Variants in PDZRN4 observed in about 807,000 individuals in gnomAD.
PDZRN4 encodes PDZ domain-containing RING finger protein 4.
Under a neutral mutation model 99.0 loss-of-function variants are expected in PDZRN4, and 70 were observed. The ratio of observed to expected loss-of-function variants is 0.71; its 90% CI spans 0.58 to 0.86. The LOEUF (loss-of-function observed/expected upper bound fraction) is 0.86, where lower values mean the gene tolerates loss of function less well. PDZRN4 is among the 40% of genes least tolerant of loss of function. The pLI is 0.00. For synonymous variants in PDZRN4, 551 were observed against 501.6 expected (o/e 1.10, Z -1.32); for missense variants, 1,474 against 1,331.2 (o/e 1.11, Z -1.67).
chr12:41,386,204 A>G (rs1952169645), intron 3 of PDZRN4, among the ~76,000 whole-genome samples: 1 of 152,198 alleles, frequency 6.6e-6, no homozygotes, highest in Non-Finnish European at 1.5e-5. Context: ...CCAAACCAAC[A>G]TCATACTGAA....
chr12:41,456,627 A>G (rs1488326109), intron 3 of PDZRN4, among the ~76,000 whole-genome samples: 1 of 152,198 alleles, frequency 6.6e-6, no homozygotes, highest in African/African-American at 2.4e-5. Flanking sequence ...ATGAATGAGT[A>G]AATGAATGAA....
intron 3 of PDZRN4, among the ~76,000 whole-genome samples, chr12:41,244,778 G>A (rs1000336544): frequency 2.0e-5 from 3 of 146,928 alleles, no homozygotes; most frequent in East Asian, 2.0e-4. Context: ...TCTGCTTCCC[G>A]GGTTCACGCC....
chr12:41,253,204 T>C (rs543767044), intron 3 of PDZRN4, among the ~76,000 whole-genome samples: 1 of 152,258 alleles, frequency 6.6e-6, no homozygotes, highest in African/African-American at 2.4e-5. Context: ...TTGCTTTGGT[T>C]GCCTGTGCTT....
At chr12:41,277,807 G>T (rs1951359494) in intron 3 of PDZRN4, among the ~76,000 whole-genome samples, 2 of 152,176 alleles carry the variant, frequency 1.3e-5, no homozygotes, top group South Asian at 4.1e-4. Flanking sequence ...CTCTTTGGTA[G>T]ATTAGCAGCT....
At chr12:41,259,638 A>C (rs1951224550) in intron 3 of PDZRN4, among the ~76,000 whole-genome samples, 1 of 152,152 alleles carries the variant, frequency 6.6e-6, no homozygotes, top group Non-Finnish European at 1.5e-5. Context: ...TTCAAGACAC[A>C]AGAGAAACAA....
At chr12:41,375,312 A>G (rs1455747606) in intron 3 of PDZRN4, among the ~76,000 whole-genome samples, 1 of 152,218 alleles carries the variant, frequency 6.6e-6, no homozygotes, top group Non-Finnish European at 1.5e-5. Context: ...GCCAATACAT[A>G]TATTCAACTT....
At chr12:41,549,320 G>C (rs895804389) in intron 5 of PDZRN4, among the ~76,000 whole-genome samples, 1 of 152,118 alleles carries the variant, frequency 6.6e-6, no homozygotes, top group Non-Finnish European at 1.5e-5. Flanking sequence ...CCTGTGAAGG[G>C]AATACTTAAT....
intron 3 of PDZRN4, among the ~76,000 whole-genome samples, chr12:41,305,083 C>T (rs1193022936): frequency 6.6e-6 from 1 of 152,172 alleles, no homozygotes; most frequent in Non-Finnish European, 1.5e-5. Flanking sequence ...AGGTATTGGG[C>T]TCATGACATA....
rs1950882360 is a variant in PDZRN4, at chr12:41,210,648, G to T, written c.843+16460G>T. On this transcript the variant is annotated intron_variant, in intron 3 of 9. Transcript: ENST00000402685. ...TTGAAAAATGAAACCATGGTGAAAA[G>T]ATGTTATTAAAACCCACTATTTCTT... Among the ~76,000 whole-genome samples the T allele has an allele frequency of 2.6e-5, 4 of 151,920 alleles. No homozygotes were observed. The South Asian group carries it at 6.2e-4, about 24-fold the overall frequency.
chr12:41,564,037 G>T (rs1939319028), intron 8 of PDZRN4, among the ~76,000 whole-genome samples: 1 of 152,114 alleles, frequency 6.6e-6, no homozygotes, highest in Admixed American at 6.6e-5. Flanking sequence ...AAAAATGGCT[G>T]TGTGGATCCT....
Position 41,573,840 on chromosome 12 carries a change from CCAGATG to C in PDZRN4, c.3062_3067del (p.Pro1021_Gly1023delinsArg). ...ACTGATGACCCATGGGGCCAAGTCT[CCAGATG>C]GCACGAGAGTCCATAATGCCTTCTT... On this transcript the variant is annotated inframe_deletion, in exon 10 of 10. Coordinates refer to ENST00000402685, the MANE Select transcript of PDZRN4 (RefSeq NM_001164595.2). The C allele has an allele frequency of 6.2e-7, 1 of 1,602,312 alleles. No individual in the cohort carries two copies. The highest frequency in any genetic ancestry group is 8.5e-7 in the Non-Finnish European group (1 of 1,175,152).
intron 3 of PDZRN4, among the ~76,000 whole-genome samples, chr12:41,205,870 CT>C (rs1308743294): frequency 2.0e-5 from 3 of 151,928 alleles, no homozygotes; most frequent in African/African-American, 7.2e-5. Context: ...AAAACCTTCC[CT>C]TCTTCCCCTG....
intron 3 of PDZRN4, among the ~76,000 whole-genome samples, chr12:41,387,719 A>G (rs759375551): frequency 1.2e-4 from 18 of 152,240 alleles, no homozygotes; most frequent in Non-Finnish European, 2.1e-4. Context: ...AATCAAAACC[A>G]CAATGAGCTA....
chr12:41,206,642 A>G (rs1950853071), intron 3 of PDZRN4, among the ~76,000 whole-genome samples: 1 of 151,704 alleles, frequency 6.6e-6, no homozygotes, highest in Non-Finnish European at 1.5e-5. Flanking sequence ...CTATTTAATG[A>G]ATACATTGGT....
chr12:41,391,361 C>T (rs1215650821), intron 3 of PDZRN4, among the ~76,000 whole-genome samples: 1 of 152,130 alleles, frequency 6.6e-6, no homozygotes, highest in Non-Finnish European at 1.5e-5. Context: ...TGATTCCCTT[C>T]CAGGGAGGAA....
chr12:41,239,125 A>G (rs1227442677), intron 3 of PDZRN4, among the ~76,000 whole-genome samples: 1 of 152,256 alleles, frequency 6.6e-6, no homozygotes, highest in African/African-American at 2.4e-5. Flanking sequence ...ATGGAATAGT[A>G]TGCAGCCATA....
intron 3 of PDZRN4, among the ~76,000 whole-genome samples, chr12:41,497,244 G>A (rs983658366): frequency 6.6e-6 from 1 of 152,088 alleles, no homozygotes; most frequent in Non-Finnish European, 1.5e-5. Flanking sequence ...AGTTGTTGAT[G>A]TTGTTTGCAG....
intron 3 of PDZRN4, among the ~76,000 whole-genome samples, chr12:41,197,104 A>G (rs1313207110): frequency 1.3e-5 from 2 of 152,164 alleles, no homozygotes; most frequent in African/African-American, 4.8e-5. Flanking sequence ...TAGTCAAGAT[A>G]TGCTCAAAAA....
At chr12:41,272,868 T>A (rs1163393124) in intron 3 of PDZRN4, among the ~76,000 whole-genome samples, 1 of 152,050 alleles carries the variant, frequency 6.6e-6, no homozygotes, top group East Asian at 1.9e-4. Context: ...GTTGGTTAAG[T>A]TGCTGTCCAG....
Sources: allele counts gnomAD v4.1 joint callset (sites outside exome capture counted in the v4.1 genomes callset), GRCh38; gene constraint gnomAD v4.1.1; transcripts MANE v1.5; gene names NCBI Gene and HGNC (gene_info 2026-07-23, HGNC 2026-07-21).